BMP2K: variants seen among roughly 807,000 people sequenced by gnomAD.
BMP2K encodes the protein BMP-2-inducible protein kinase.
A neutral mutation model predicts 116.0 loss-of-function variants in BMP2K; 74 were observed. The ratio of observed to expected loss-of-function variants is 0.64; its 90% CI spans 0.53 to 0.77. The LOEUF is 0.77. Ranked by LOEUF, BMP2K falls within the 30% of genes least tolerant of loss-of-function variation. BMP2K has a pLI of 0.00. For synonymous variants in BMP2K, 486 were observed against 502.5 expected (o/e 0.97, Z 0.44); for missense variants, 1,365 against 1,403.6 (o/e 0.97, Z 0.44).
intron 7 of BMP2K, among the ~76,000 whole-genome samples, chr4:78,854,193 T>G (rs1323523600): frequency 6.9e-6 from 1 of 145,840 alleles, no homozygotes; most frequent in Admixed American, 7.0e-5. Flanking sequence ...AACTTTAGGG[T>G]CTTCTCACTT....
At chr4:78,851,178 A>G in intron 7 of BMP2K, 122 bp downstream of exon 7, 1 of 1,022,938 alleles carries the variant, frequency 9.8e-7, no homozygotes, top group Non-Finnish European at 1.3e-6. Flanking sequence ...AAACTATAGT[A>G]AAGAAAAAAA....
intron 15 of BMP2K, among the ~76,000 whole-genome samples, chr4:78,907,045 C>T (rs1288516986): frequency 6.6e-6 from 1 of 151,986 alleles, no homozygotes; most frequent in East Asian, 1.9e-4. Context: ...GGAAAAAGTG[C>T]ATGAATCATG....
At chr4:78,823,071 C>T (rs1403063773) in intron 1 of BMP2K, among the ~76,000 whole-genome samples, 1 of 152,046 alleles carries the variant, frequency 6.6e-6, no homozygotes, top group Non-Finnish European at 1.5e-5. Flanking sequence ...ATACAATTAA[C>T]GATCACTGTT....
chr4:78,867,591 G>T (rs771325017), intron 10 of BMP2K, among the ~76,000 whole-genome samples: 2 of 151,896 alleles, frequency 1.3e-5, no homozygotes, highest in Non-Finnish European at 2.9e-5. Flanking sequence ...AAATTAACAC[G>T]TGAGTATTGT....
chr4:78,785,364 G>C lies in BMP2K; in HGVS notation c.178+8643G>C, dbSNP rs1033583436. Among the ~76,000 whole-genome samples the C allele has an allele frequency of 5.9e-5, 9 of 152,186 alleles. No homozygotes were observed. In the South Asian group the frequency reaches 1.7e-3, roughly 28 times the overall value. ...TGACCTCAGGTGATCTGCCCACCTTGGCTTCCCAAAGTGCTGGGATTACAG... is the reference window on the plus strand; with the variant it reads ...TGACCTCAGGTGATCTGCCCACCTTCGCTTCCCAAAGTGCTGGGATTACAG... On this transcript the variant is annotated intron_variant, in intron 1 of 15. Transcript: ENST00000502613.
At position 78,878,751 on chromosome 4, in the gene BMP2K, A is replaced by T; in HGVS notation, c.1811A>T (p.Glu604Val). Residue 604 changes from glutamate (E) to valine (V), a missense_variant, in exon 14 of 16, where the codon GAG becomes GTG. Physicochemically the swap from Glu to Val is moderately radical, Grantham distance 121 (BLOSUM62 -2). This residue lies in a region of BMP2K where 762 missense variants were observed against 756.7 expected (regional missense o/e 1.01). Coordinates refer to ENST00000502613, the MANE Select transcript of BMP2K (RefSeq NM_198892.2). ...TACTATAGGTCAGTTGCTGATAAAGAGGCCATTGCAAATTTCACAAATCAG... is the reference window on the plus strand; with the variant it reads ...TACTATAGGTCAGTTGCTGATAAAGTGGCCATTGCAAATTTCACAAATCAG... ...YSANRSVADK[E>V]AIANFTNQKN... 1 of 1,610,754 alleles carries T rather than the reference A, an allele frequency of 6.2e-7. No individual in the cohort carries two copies. The highest frequency in any genetic ancestry group is 8.5e-7 in the Non-Finnish European group (1 of 1,179,006).
chr4:78,826,639 C>A (rs1451887856), intron 2 of BMP2K, among the ~76,000 whole-genome samples: 3 of 152,058 alleles, frequency 2.0e-5, no homozygotes, highest in Non-Finnish European at 4.4e-5. Flanking sequence ...CGATTTGGTT[C>A]TAGGACCCAC....
Position 78,833,675 on chromosome 4 carries a change from G to A in BMP2K, c.391G>A (p.Glu131Lys), listed in dbSNP as rs1002211420. ...DNVWEVLILMEYCRAGQVVNQ... is the reference protein window; with the variant it reads ...DNVWEVLILMKYCRAGQVVNQ... Reference sequence around the variant, plus strand: ...TGTATGGGAAGTCCTTATCTTAATGGAATATTGTCGAGGTAAGTATTTTTT... The same window carrying A: ...TGTATGGGAAGTCCTTATCTTAATGAAATATTGTCGAGGTAAGTATTTTTT... The change falls in exon 3 of 16, where the codon GAA becomes AAA. Residue 131 changes from glutamate to lysine, a missense_variant. Physicochemically the swap from Glu to Lys is moderately conservative, Grantham distance 56. Coordinates refer to ENST00000502613, the MANE Select transcript of BMP2K (RefSeq NM_198892.2). 4.4e-6 allele frequency: 7 copies of A among 1,600,122 alleles called. No homozygotes were observed. The African/African-American group carries it at 9.4e-5, about 22-fold the overall frequency.
At chr4:78,878,451 CT>C (rs1459196172) in intron 13 of BMP2K, among the ~76,000 whole-genome samples, 2 of 151,990 alleles carry the variant, frequency 1.3e-5, no homozygotes, top group Non-Finnish European at 2.9e-5. Context: ...ACTATTACTC[CT>C]TTTTACAGAT....
At chr4:78,799,460 G>A (rs1728461143) in intron 1 of BMP2K, among the ~76,000 whole-genome samples, 1 of 152,146 alleles carries the variant, frequency 6.6e-6, no homozygotes, top group African/African-American at 2.4e-5. Flanking sequence ...GTTTTTCATA[G>A]TGGTTATAGG....
At chr4:78,904,507 T>C (rs2110099882) in intron 15 of BMP2K, among the ~76,000 whole-genome samples, 1 of 152,054 alleles carries the variant, frequency 6.6e-6, no homozygotes, top group Non-Finnish European at 1.5e-5. Flanking sequence ...CACAAGATAA[T>C]TTAAAACTTT....
chr4:78,844,522 A>G (rs1418303495), intron 4 of BMP2K, among the ~76,000 whole-genome samples: 1 of 151,680 alleles, frequency 6.6e-6, no homozygotes, highest in Admixed American at 6.6e-5. Context: ...GAAGTATAGT[A>G]AAAGAGAGAA....
chr4:78,820,511 TTC>T (rs1729566379), intron 1 of BMP2K, among the ~76,000 whole-genome samples: 1 of 152,150 alleles, frequency 6.6e-6, no homozygotes, highest in Non-Finnish European at 1.5e-5. Flanking sequence ...ATACATTTTT[TTC>T]TCCCCTCATT....
In BMP2K at chr4:78,847,195, ACT is replaced by A. The variant is rs1731048572; in HGVS notation, c.679_680del (p.Leu227ValfsTer6). The A allele has an allele frequency of 6.5e-7, 1 of 1,547,236 alleles. No homozygotes were observed. The highest frequency in any genetic ancestry group is 1.4e-5 in the African/African-American group (1 of 72,146). On this transcript the variant is annotated frameshift_variant, in exon 6 of 16. Coordinates refer to ENST00000502613, the MANE Select transcript of BMP2K (RefSeq NM_198892.2). LOFTEE classifies it high-confidence loss of function. ...TCACTCATTTACTGCCAGGTATACA[ACT>A]CTGTCATACAGAGCCCCTGAAATGA... ...VVEEEIKKYTTLSYRAPEMIN... is the reference protein window; with the variant it reads ...VVEEEIKKYTXLSYRAPEMIN...
intron 1 of BMP2K, among the ~76,000 whole-genome samples, chr4:78,823,873 A>G (rs1729753514): frequency 6.6e-6 from 1 of 152,150 alleles, no homozygotes. Context: ...AGCTGTACTC[A>G]TACTGCCTCT....
At chr4:78,840,108 ATG>A (rs989627847) in intron 3 of BMP2K, among the ~76,000 whole-genome samples, 2 of 150,570 alleles carry the variant, frequency 1.3e-5, no homozygotes, top group African/African-American at 5.0e-5. Context: ...AAGTGGTAAT[ATG>A]TGTACTCAGA....
At chr4:78,813,742 T>C (rs986368202) in intron 1 of BMP2K, among the ~76,000 whole-genome samples, 1 of 152,144 alleles carries the variant, frequency 6.6e-6, no homozygotes, top group African/African-American at 2.4e-5. Flanking sequence ...CATTTCAGCC[T>C]CCTCCATCCT....
In BMP2K at chr4:78,776,866, G is replaced by C. The variant is rs1001226943; in HGVS notation, c.178+145G>C. ...GGCCAGCGGGGGCTCCTAAAGAGTG[G>C]CTCGGGCTTTCTCTCTTAAGCTGGC... is the stretch of plus-strand genomic sequence containing the variant. On this transcript the variant is annotated intron_variant, in intron 1 of 15. Coordinates refer to ENST00000502613, the MANE Select transcript of BMP2K (RefSeq NM_198892.2). 5 of 825,968 alleles carry C rather than the reference G, an allele frequency of 6.1e-6. No homozygotes were observed. The African/African-American group carries it at 9.0e-5, about 15-fold the overall frequency. The allele number at this position is 825,968 out of a possible 1,614,324, so 51.2% of individuals were successfully genotyped here.
At chr4:78,829,150 T>C (rs1730025988) in intron 2 of BMP2K, among the ~76,000 whole-genome samples, 3 of 152,232 alleles carry the variant, frequency 2.0e-5, no homozygotes, top group Non-Finnish European at 4.4e-5. Context: ...TACTGTTTGA[T>C]AGCACTTTAT....
Sources: allele counts gnomAD v4.1 joint callset (sites outside exome capture counted in the v4.1 genomes callset), GRCh38; gene constraint gnomAD v4.1.1; regional missense constraint gnomAD v4.1.1; transcripts MANE v1.5; gene names NCBI Gene and HGNC (gene_info 2026-07-23, HGNC 2026-07-21).